The following FSTL4 variants were observed in gnomAD, a reference collection of about 807,000 sequenced individuals.
FSTL4 encodes the protein follistatin-related protein 4.
Under a neutral mutation model 78.2 loss-of-function variants are expected in FSTL4, and 28 were observed. The observed-to-expected ratio is 0.36, with a 90% CI of 0.27 to 0.49. The LOEUF (loss-of-function observed/expected upper bound fraction) is 0.49. FSTL4 is among the 20% of genes least tolerant of loss of function. The probability of loss-of-function intolerance (pLI) is 0.98; values close to 1 mark genes in which losing one functional copy is unlikely to be tolerated. For missense variants in FSTL4, 922 were observed against 1,084.9 expected, an observed-to-expected ratio of 0.85 and a Z score of 2.11; for synonymous variants, 422 against 440.5, an observed-to-expected ratio of 0.96 and a Z score of 0.53.
At chr5:133,295,070 G>A (rs533025299) in intron 6 of FSTL4, among the ~76,000 whole-genome samples, 72 of 152,132 alleles carry the variant, frequency 4.7e-4, no homozygotes, top group Non-Finnish European at 6.8e-4. Context: ...AGATCACTCC[G>A]CCTCCTCTGC....
the FSTL4 span, among the ~76,000 whole-genome samples, chr5:133,734,588 C>T: frequency 6.6e-6 from 1 of 152,186 alleles, no homozygotes; most frequent in African/African-American, 2.4e-5. Context: ...ATTGCACTAA[C>T]ACTCTACATC....
chr5:133,424,648 C>A (rs572154607), intron 3 of FSTL4, among the ~76,000 whole-genome samples: 25 of 152,300 alleles, frequency 1.6e-4, no homozygotes, highest in Non-Finnish European at 2.5e-4. Context: ...TGGCACATCT[C>A]AGGCCAAGGG....
chr5:133,589,920 C>A (rs1182298073), intron 2 of FSTL4, among the ~76,000 whole-genome samples: 1 of 152,170 alleles, frequency 6.6e-6, no homozygotes, highest in East Asian at 1.9e-4. Context: ...TCAATTTCTA[C>A]ATGTGTAAAA....
At chr5:133,632,947 C>G in the FSTL4 span, among the ~76,000 whole-genome samples, 1 of 152,190 alleles carries the variant, frequency 6.6e-6, no homozygotes, top group Non-Finnish European at 1.5e-5. Flanking sequence ...CCTGACCTCC[C>G]AAAGTGCTGG....
At chr5:133,664,824 A>AT in the FSTL4 span, among the ~76,000 whole-genome samples, 2 of 152,234 alleles carry the variant, frequency 1.3e-5, no homozygotes, top group African/African-American at 4.8e-5. Flanking sequence ...AGCATCATGA[A>AT]TCACTTCAAA....
the FSTL4 span, among the ~76,000 whole-genome samples, chr5:133,695,796 G>C: frequency 6.6e-6 from 1 of 152,190 alleles, no homozygotes; most frequent in Non-Finnish European, 1.5e-5. Flanking sequence ...CCAGGAGTAT[G>C]TAAGAATGTG....
chr5:133,543,350 CCT>C (rs1561463469), intron 3 of FSTL4, among the ~76,000 whole-genome samples: 1 of 152,172 alleles, frequency 6.6e-6, no homozygotes, highest in East Asian at 1.9e-4. Context: ...CCATGCCTAG[CCT>C]CTTTCTTCTC....
At chr5:133,221,914 T>TTG (rs1561626868) in intron 11 of FSTL4, among the ~76,000 whole-genome samples, 8 of 117,096 alleles carry the variant, frequency 6.8e-5, no homozygotes, top group African/African-American at 3.6e-4. Context: ...TTTTTTTTTT[T>TTG]TTTTTTTTTT....
At chr5:133,743,985 C>T in the FSTL4 span, among the ~76,000 whole-genome samples, 16 of 152,336 alleles carry the variant, frequency 1.1e-4, no homozygotes, top group East Asian at 7.7e-4. Flanking sequence ...AAGAAGCCCA[C>T]GGCCCTAGGA....
rs1311340809 is a variant in FSTL4, at chr5:133,515,677, C to CT, written c.160+51508dup. The stretch of plus-strand genomic sequence containing the variant: ...AGATTGGCTCAACAAATATCACCTG[C>CT]TTTTTTTTTTTAAAAAAAAGCAAAA... On this transcript the variant is annotated intron_variant, in intron 3 of 15. Coordinates refer to ENST00000265342, the MANE Select transcript of FSTL4 (RefSeq NM_015082.2). Among the ~76,000 whole-genome samples, 1,037 of 141,370 alleles carry CT rather than the reference C, an allele frequency of 7.3e-3. 9 individuals are homozygous for CT. The highest frequency in any genetic ancestry group is 0.026 in the African/African-American group (941 of 35,664). 92.7% of individuals were successfully genotyped at this position (141,370 alleles called of 152,430 possible).
the FSTL4 span, among the ~76,000 whole-genome samples, chr5:133,687,254 T>C: frequency 6.6e-6 from 1 of 152,086 alleles, no homozygotes; most frequent in Middle Eastern, 3.2e-3. Flanking sequence ...GTGATAGAAA[T>C]ACTAAGAAAA....
chr5:133,781,987 G>A, the FSTL4 span, among the ~76,000 whole-genome samples: 1 of 152,184 alleles, frequency 6.6e-6, no homozygotes, highest in African/African-American at 2.4e-5. Context: ...GCTCAGCTGG[G>A]TTTATTCCAA....
At chr5:133,702,349 C>T in the FSTL4 span, among the ~76,000 whole-genome samples, 4 of 152,312 alleles carry the variant, frequency 2.6e-5, no homozygotes, top group East Asian at 7.7e-4. Context: ...TATGGCTCCT[C>T]GGCCTGAGCA....
At chr5:133,333,854 T>C (rs551834060) in intron 4 of FSTL4, among the ~76,000 whole-genome samples, 55 of 152,342 alleles carry the variant, frequency 3.6e-4, no homozygotes, top group African/African-American at 1.2e-3. Flanking sequence ...CAGGATGTTC[T>C]TCAGGGCCCT....
chr5:133,691,957 C>T, the FSTL4 span, among the ~76,000 whole-genome samples: 12 of 152,280 alleles, frequency 7.9e-5, no homozygotes, highest in South Asian at 2.3e-3. Flanking sequence ...TAGCACACTA[C>T]ACTATAGATA....
At chr5:133,522,629 C>G (rs1759002526) in intron 3 of FSTL4, among the ~76,000 whole-genome samples, 1 of 152,202 alleles carries the variant, frequency 6.6e-6, no homozygotes, top group African/African-American at 2.4e-5. Context: ...TTTCACATTT[C>G]CTATCTCAGT....
chr5:133,253,270 A>G (rs1752303734), intron 6 of FSTL4, among the ~76,000 whole-genome samples: 1 of 152,182 alleles, frequency 6.6e-6, no homozygotes, highest in African/African-American at 2.4e-5. Context: ...CAGGGAGAGT[A>G]AAAAATGAGA....
intron 6 of FSTL4, among the ~76,000 whole-genome samples, chr5:133,263,226 G>C (rs1327311630): frequency 6.6e-6 from 1 of 152,224 alleles, no homozygotes; most frequent in African/African-American, 2.4e-5. Flanking sequence ...AAGGTGGGCT[G>C]AGGGGTGGTC....
At chr5:133,482,868 G>A (rs1332156109) in intron 3 of FSTL4, among the ~76,000 whole-genome samples, 1 of 152,114 alleles carries the variant, frequency 6.6e-6, no homozygotes, top group Non-Finnish European at 1.5e-5. Flanking sequence ...GCCCCTTGCT[G>A]ATAATCCAGA....
Sources: gnomAD v4.1 joint callset for allele counts (sites outside exome capture counted in the v4.1 genomes callset) on GRCh38, gnomAD v4.1.1 for gene constraint, MANE v1.5 for transcripts, NCBI Gene and HGNC (gene_info 2026-07-23, HGNC 2026-07-21) for gene names.